CERS6: variants seen among roughly 807,000 people sequenced by gnomAD.
CERS6 encodes the protein ceramide synthase 6, also known as LAG1 homolog, ceramide synthase 6.
A neutral mutation model predicts 56.8 loss-of-function variants in CERS6; 26 were observed. That is an observed-to-expected ratio of 0.46 (90% CI 0.34 to 0.63). The LOEUF is 0.63. CERS6 is among the 30% of genes least tolerant of loss of function. The pLI is 0.01. For missense variants in CERS6, 415 were observed against 467.5 expected (o/e 0.89, Z 1.04); for synonymous variants, 164 against 173.3 (o/e 0.95, Z 0.42).
At position 168,727,480 on chromosome 2, in the gene CERS6, C is replaced by T. The variant is rs566998921; in HGVS notation, c.845+9502C>T. Reference sequence around the variant, plus strand: ...AGGAGAATCACTAGAACCTGGGAGGCGAAGGTTGCAGTGAGCCGAGATCGC... The same window carrying T: ...AGGAGAATCACTAGAACCTGGGAGGTGAAGGTTGCAGTGAGCCGAGATCGC... On this transcript the variant is annotated intron_variant, in intron 8 of 9. Coordinates refer to ENST00000305747, the MANE Select transcript of CERS6 (RefSeq NM_203463.3). Among the ~76,000 whole-genome samples the T allele has an allele frequency of 6.8e-4, 102 of 149,594 alleles. 2 individuals are homozygous for T. The highest frequency in any genetic ancestry group is 4.2e-4 in the South Asian group (2 of 4,720).
In CERS6 at chr2:168,630,956, G is replaced by A. The variant is rs758792695; in HGVS notation, c.408-29G>A. On this transcript the variant is annotated intron_variant, in intron 3 of 9. Transcript: ENST00000305747. ...TATGCTGTGAATATATAAACTGAAT[G>A]TCACAGATTTTTTTTTAACCTTCTA... 8 of 1,181,520 alleles carry A rather than the reference G, an allele frequency of 6.8e-6. No homozygotes were observed. In the Admixed American group the frequency reaches 1.0e-4, roughly 15 times the overall value. 73.2% of individuals were successfully genotyped at this position (1,181,520 alleles called of 1,614,324 possible).
rs58981905 is a variant in CERS6, at chr2:168,615,547, C to T, written c.408-15438C>T. ...AATACAATAAAAACTTTAGGAAATA[C>T]TGGATGCACGAAAGAAATGCAAAAT... On this transcript the variant is annotated intron_variant, in intron 3 of 9. Coordinates refer to ENST00000305747, the MANE Select transcript of CERS6 (RefSeq NM_203463.3). 3.3e-3 allele frequency among the ~76,000 whole-genome samples: 508 copies of T among 152,104 alleles called. 2 individuals carry two copies. Among genetic ancestry groups the T allele is most frequent in the African/African-American group, 0.011 (455 of 41,534 alleles).
In CERS6 at chr2:168,774,178, A is replaced by C. The variant is rs1297054018; in HGVS notation, c.*4516A>C. 6.6e-6 allele frequency: 1 copy of C among 152,166 alleles called. No homozygotes were observed. Among genetic ancestry groups the C allele is most frequent in the Non-Finnish European group, 1.5e-5 (1 of 68,032 alleles). The allele number at this position is 152,166 out of a possible 1,614,324, so 9.4% of individuals were successfully genotyped here. ...GACCTAAGAAAGTCTCTGCAGCCAGATAGTACATGGTGTCTCCACAAAACT... is the reference window on the plus strand; with the variant it reads ...GACCTAAGAAAGTCTCTGCAGCCAGCTAGTACATGGTGTCTCCACAAAACT... On this transcript the variant is annotated 3_prime_UTR_variant, in exon 10 of 10. Coordinates refer to ENST00000305747, the MANE Select transcript of CERS6 (RefSeq NM_203463.3).
intron 3 of CERS6, among the ~76,000 whole-genome samples, chr2:168,622,890 T>G (rs949185562): frequency 6.6e-6 from 1 of 152,232 alleles, no homozygotes; most frequent in African/African-American, 2.4e-5. Context: ...ATTAGTTTCT[T>G]TAAACTAATG....
chr2:168,473,394 C>T (rs1694012695), intron 1 of CERS6, among the ~76,000 whole-genome samples: 2 of 152,082 alleles, frequency 1.3e-5, no homozygotes, highest in Non-Finnish European at 2.9e-5. Context: ...ACAAAAAGGG[C>T]ACAACAACAT....
chr2:168,508,493 G>A (rs911217520), intron 1 of CERS6, among the ~76,000 whole-genome samples: 1 of 152,122 alleles, frequency 6.6e-6, no homozygotes, highest in African/African-American at 2.4e-5. Flanking sequence ...CCTTTATTAA[G>A]CACCTTCAAT....
At chr2:168,675,480 G>A (rs1223794033) in intron 4 of CERS6, among the ~76,000 whole-genome samples, 4 of 151,894 alleles carry the variant, frequency 2.6e-5, no homozygotes, top group African/African-American at 7.2e-5. Flanking sequence ...CAGCTACTTG[G>A]GGGGCTGAGG....
At chr2:168,541,215 T>C (rs1695362809) in intron 1 of CERS6, among the ~76,000 whole-genome samples, 1 of 152,200 alleles carries the variant, frequency 6.6e-6, no homozygotes, top group Non-Finnish European at 1.5e-5. Context: ...TCTGCCTCCA[T>C]GACCCGAACA....
chr2:168,690,973 C>T, intron 4 of CERS6, 61 bp from the exon 5 acceptor site: 1 of 1,485,974 alleles, frequency 6.7e-7, no homozygotes, highest in South Asian at 1.1e-5. Flanking sequence ...TATTGTAAAC[C>T]TTTTTTATCC....
chr2:168,467,318 T>C (rs1693898680), intron 1 of CERS6, among the ~76,000 whole-genome samples: 1 of 152,196 alleles, frequency 6.6e-6, no homozygotes, highest in Admixed American at 6.5e-5. Context: ...AGTGACTTGG[T>C]GGTTTAAGCA....
intron 3 of CERS6, among the ~76,000 whole-genome samples, chr2:168,598,996 G>A (rs901430009): frequency 1.3e-4 from 20 of 152,182 alleles, no homozygotes; most frequent in African/African-American, 4.6e-4. Flanking sequence ...CTTGACATTT[G>A]TGTAGCTCTG....
At chr2:168,752,279 ATG>A (rs397870530) in intron 8 of CERS6, among the ~76,000 whole-genome samples, 4,834 of 132,516 alleles carry the variant, frequency 0.036, 158 homozygotes, top group African/African-American at 0.093. Context: ...AAAAAAATAA[ATG>A]TGTGTGTGTG....
chr2:168,588,427 C>T (rs1359675531), intron 3 of CERS6, among the ~76,000 whole-genome samples: 2 of 152,004 alleles, frequency 1.3e-5, no homozygotes, highest in African/African-American at 4.8e-5. Context: ...TTTCCCTCTC[C>T]CAGATCCCTC....
At chr2:168,534,368 C>A (rs1695220628) in intron 1 of CERS6, among the ~76,000 whole-genome samples, 1 of 147,132 alleles carries the variant, frequency 6.8e-6, no homozygotes. Flanking sequence ...TAGTTTCGAT[C>A]TTTGAACCTG....
At chr2:168,534,696 C>T (rs930796486) in intron 1 of CERS6, among the ~76,000 whole-genome samples, 2 of 152,190 alleles carry the variant, frequency 1.3e-5, no homozygotes, top group Admixed American at 6.5e-5. Context: ...TGGACGGTCT[C>T]ACCCTGTTGG....
chr2:168,603,005 T>C (rs1683971262), intron 3 of CERS6, among the ~76,000 whole-genome samples: 1 of 151,954 alleles, frequency 6.6e-6, no homozygotes, highest in South Asian at 2.1e-4. Flanking sequence ...TCTACATAGC[T>C]CAATTATCAG....
intron 1 of CERS6, among the ~76,000 whole-genome samples, chr2:168,517,091 T>C (rs563903690): frequency 1.8e-4 from 28 of 152,078 alleles, no homozygotes; most frequent in African/African-American, 5.8e-4. Context: ...AAGAGTCTTA[T>C]AGGAGCCCAA....
intron 3 of CERS6, among the ~76,000 whole-genome samples, chr2:168,572,436 C>A (rs1696006620): frequency 6.6e-6 from 1 of 151,970 alleles, no homozygotes. Context: ...GAATACCTGA[C>A]CCAACACCAC....
At chr2:168,528,602 T>G (rs892875161) in intron 1 of CERS6, among the ~76,000 whole-genome samples, 2 of 152,248 alleles carry the variant, frequency 1.3e-5, no homozygotes, top group Non-Finnish European at 2.9e-5. Flanking sequence ...GAACAGATAT[T>G]GCCCAGTGCT....
Sources: allele counts gnomAD v4.1 joint callset (sites outside exome capture counted in the v4.1 genomes callset), GRCh38; gene constraint gnomAD v4.1.1; transcripts MANE v1.5; gene names NCBI Gene and HGNC (gene_info 2026-07-23, HGNC 2026-07-21).